Variants in SLC35F4 observed in about 807,000 individuals in gnomAD.
SLC35F4 encodes chromosome 14 open reading frame 36.
In SLC35F4, 24 loss-of-function variants were observed where a neutral mutation model predicts 44.2. The ratio of observed to expected loss-of-function variants is 0.54; its 90% confidence interval spans 0.39 to 0.76. The LOEUF (loss-of-function observed/expected upper bound fraction) is 0.76. Ranked by LOEUF, SLC35F4 falls within the 30% of genes least tolerant of loss-of-function variation. The probability of loss-of-function intolerance (pLI) is 0.00; values close to 1 mark genes in which losing one functional copy is unlikely to be tolerated. For synonymous variants in SLC35F4, 238 were observed against 223.6 expected, an observed-to-expected ratio of 1.06 and a Z score of -0.57; for missense variants, 562 against 586.1, an observed-to-expected ratio of 0.96 and a Z score of 0.42.
chr14:57,648,851 C>G (rs182662058), intron 1 of SLC35F4, among the ~76,000 whole-genome samples: 76 of 152,308 alleles, frequency 5.0e-4, no homozygotes, highest in African/African-American at 1.7e-3. Flanking sequence ...TAGACTTATA[C>G]TAGAAATGAT....
intron 1 of SLC35F4, among the ~76,000 whole-genome samples, chr14:57,790,266 CCTT>C (rs985615999): frequency 1.2e-4 from 18 of 152,104 alleles, no homozygotes; most frequent in African/African-American, 4.1e-4. Context: ...ACCAAAAACT[CCTT>C]AAGCTGATAA....
intron 1 of SLC35F4, among the ~76,000 whole-genome samples, chr14:57,819,323 G>A (rs1882923537): frequency 1.3e-5 from 2 of 151,936 alleles, no homozygotes. Flanking sequence ...ACTGTATGGG[G>A]AAATTTTAAA....
chr14:57,579,367 A>AAAGAT (rs1238132641), intron 4 of SLC35F4: 1 of 152,210 alleles, frequency 6.6e-6, no homozygotes, highest in African/African-American at 2.4e-5. Flanking sequence ...TCTGCTATTT[A>AAAGAT]AAGATAAGTT....
At chr14:57,877,251 C>T (rs10139366) in intron 1 of SLC35F4, among the ~76,000 whole-genome samples, 16,772 of 152,160 alleles carry the variant, frequency 0.11, 2,847 homozygotes, top group African/African-American at 0.36. Flanking sequence ...TAAGTAAGAA[C>T]ATGCAGCATT....
At chr14:57,715,570 G>T (rs1394922615) in intron 1 of SLC35F4, among the ~76,000 whole-genome samples, 1 of 152,186 alleles carries the variant, frequency 6.6e-6, no homozygotes, top group African/African-American at 2.4e-5. Flanking sequence ...AAGACAAAGG[G>T]TATGGTCCTG....
intron 1 of SLC35F4, among the ~76,000 whole-genome samples, chr14:57,751,818 A>C (rs939407981): frequency 6.6e-6 from 1 of 152,170 alleles, no homozygotes; most frequent in African/African-American, 2.4e-5. Context: ...CAGTTTTTTG[A>C]GGTATAAAAT....
intron 1 of SLC35F4, among the ~76,000 whole-genome samples, chr14:57,746,960 C>T (rs2076771134): frequency 6.6e-6 from 1 of 152,142 alleles, no homozygotes; most frequent in South Asian, 2.1e-4. Flanking sequence ...TCCTGCCCTA[C>T]ACAGGAAAGA....
chr14:57,645,579 T>C (rs1389295975), intron 1 of SLC35F4, among the ~76,000 whole-genome samples: 2 of 151,716 alleles, frequency 1.3e-5, no homozygotes, highest in Non-Finnish European at 2.9e-5. Context: ...CAGGGACAAT[T>C]TGACTTCGTC....
intron 1 of SLC35F4, among the ~76,000 whole-genome samples, chr14:57,895,339 C>T (rs1209766321): frequency 2.0e-5 from 3 of 152,030 alleles, no homozygotes; most frequent in Non-Finnish European, 4.4e-5. Context: ...TGTTTAGGAC[C>T]TTATTCCAGA....
intron 7 of SLC35F4, among the ~76,000 whole-genome samples, chr14:57,565,750 A>G (rs1159252321): frequency 6.6e-6 from 1 of 152,354 alleles, no homozygotes. Context: ...AAATTCAGCC[A>G]TAAGCATTTT....
intron 1 of SLC35F4, among the ~76,000 whole-genome samples, chr14:57,773,890 C>T (rs1186315570): frequency 4.6e-5 from 7 of 152,080 alleles, no homozygotes; most frequent in Non-Finnish European, 1.0e-4. Context: ...TAAATTCGTG[C>T]CACAAGAAAA....
chr14:57,682,638 G>GA (rs5808933), intron 1 of SLC35F4, among the ~76,000 whole-genome samples: 55,171 of 148,306 alleles, frequency 0.37, 10,236 homozygotes, highest in East Asian at 0.45. Context: ...AAAGTATAAT[G>GA]AAAAAAAAAA....
chr14:57,964,991 A>ATATATATATATAT (rs1279192848), intron 1 of SLC35F4, among the ~76,000 whole-genome samples: 2 of 115,674 alleles, frequency 1.7e-5, no homozygotes, highest in East Asian at 4.8e-4. Flanking sequence ...AAAAAAAAAA[A>ATATATATATATAT]ATATATATAT....
chr14:57,647,418 C>G (rs929727947), intron 1 of SLC35F4, among the ~76,000 whole-genome samples: 1 of 152,048 alleles, frequency 6.6e-6, no homozygotes. Flanking sequence ...GGTTTGAAGT[C>G]TAACAACCTT....
At chr14:57,746,453 G>T (rs1158718857) in intron 1 of SLC35F4, among the ~76,000 whole-genome samples, 1 of 152,010 alleles carries the variant, frequency 6.6e-6, no homozygotes, top group Non-Finnish European at 1.5e-5. Flanking sequence ...GGGTAACATT[G>T]AATTGACTTT....
intron 1 of SLC35F4, among the ~76,000 whole-genome samples, chr14:57,606,394 C>G (rs181317046): frequency 2.6e-5 from 4 of 152,224 alleles, no homozygotes; most frequent in African/African-American, 7.2e-5. Context: ...AGTGGGAGTG[C>G]TTATGCTTGA....
chr14:57,666,364 A>T (rs2074309287), intron 1 of SLC35F4, among the ~76,000 whole-genome samples: 1 of 151,152 alleles, frequency 6.6e-6, no homozygotes, highest in Admixed American at 6.6e-5. Flanking sequence ...CTATAAATCA[A>T]TGACCTTTAG....
chr14:57,686,793 G>A (rs2075080604), intron 1 of SLC35F4, among the ~76,000 whole-genome samples: 1 of 152,024 alleles, frequency 6.6e-6, no homozygotes, highest in African/African-American at 2.4e-5. Context: ...GATTGTGAAA[G>A]TCTTTATTAA....
Position 57,742,637 on chromosome 14 carries a change from C to A in SLC35F4, c.103+123086G>T, listed in dbSNP as rs564884407. 2.6e-5 allele frequency among the ~76,000 whole-genome samples: 4 copies of A among 152,092 alleles called. No individual in the cohort carries two copies. The South Asian group carries it at 8.3e-4, about 32-fold the overall frequency. On this transcript the variant is annotated intron_variant, in intron 1 of 7. Transcript: ENST00000556826. ...GCAATAATAATGGGAGACTTTAACACCCCACTTTCAACATTAGACAGATCA... is the reference window on the plus strand; with the variant it reads ...GCAATAATAATGGGAGACTTTAACAACCCACTTTCAACATTAGACAGATCA...
Sources: allele counts gnomAD v4.1 joint callset (sites outside exome capture counted in the v4.1 genomes callset), GRCh38; gene constraint gnomAD v4.1.1; transcripts MANE v1.5; gene names NCBI Gene and HGNC (gene_info 2026-07-23, HGNC 2026-07-21).